USP3: variants seen among roughly 807,000 people sequenced by gnomAD.
USP3 encodes ubiquitin carboxyl-terminal hydrolase 3.
In USP3, 20 loss-of-function variants were observed where a neutral mutation model predicts 72.3. That is an observed-to-expected ratio of 0.28 (90% CI 0.19 to 0.40). The LOEUF (loss-of-function observed/expected upper bound fraction) is 0.40. USP3 is among the 10% of genes least tolerant of loss of function. The probability of loss-of-function intolerance (pLI) is 1.00; values close to 1 mark genes in which losing one functional copy is unlikely to be tolerated. For synonymous variants in USP3, 222 were observed against 225.3 expected (o/e 0.99, Z 0.13); for missense variants, 479 against 633.9 (o/e 0.76, Z 2.62).
chr15:63,522,346 C>G (rs755761334), intron 1 of USP3, among the ~76,000 whole-genome samples: 1 of 152,236 alleles, frequency 6.6e-6, no homozygotes, highest in Non-Finnish European at 1.5e-5. Context: ...ATGATCCCCT[C>G]AGCCTAGAGG....
At chr15:63,572,727 TTA>T (rs1299775352) in intron 9 of USP3, among the ~76,000 whole-genome samples, 8 of 152,320 alleles carry the variant, frequency 5.3e-5, no homozygotes, top group African/African-American at 1.9e-4. Context: ...AGAAACTACC[TTA>T]TATTGCTATT....
At chr15:63,555,923 TGGC>T (rs2066500140) in intron 4 of USP3, among the ~76,000 whole-genome samples, 2 of 152,228 alleles carry the variant, frequency 1.3e-5, no homozygotes, top group East Asian at 1.9e-4. Flanking sequence ...GGGAGAGAAT[TGGC>T]GGCCTTAAAA....
chr15:63,577,023 G>A (rs1284362976), intron 11 of USP3, among the ~76,000 whole-genome samples: 6 of 152,128 alleles, frequency 3.9e-5, no homozygotes, highest in Admixed American at 3.3e-4. Context: ...TAATTGTTAA[G>A]CTTAGTTTTC....
chr15:63,584,988 C>T (rs1386308115), intron 11 of USP3, among the ~76,000 whole-genome samples: 1 of 152,116 alleles, frequency 6.6e-6, no homozygotes, highest in African/African-American at 2.4e-5. Flanking sequence ...TTCCCCAGCA[C>T]CATCTTTTGA....
At chr15:63,547,888 G>GAGAGAGAGAGAGGGGCAT (rs1555446525) in intron 3 of USP3, among the ~76,000 whole-genome samples, 5 of 73,300 alleles carry the variant, frequency 6.8e-5, no homozygotes, top group African/African-American at 2.3e-4. Context: ...GAGAGAGAGA[G>GAGAGAGAGAGAGGGGCAT]AGAGAGAGGC....
At chr15:63,563,947 T>A (rs937400794) in intron 8 of USP3, among the ~76,000 whole-genome samples, 2 of 152,212 alleles carry the variant, frequency 1.3e-5, no homozygotes, top group Non-Finnish European at 2.9e-5. Flanking sequence ...TTAACCCTAG[T>A]CTTGGTTTTG....
At chr15:63,585,931 T>G (rs893951212) in intron 11 of USP3, among the ~76,000 whole-genome samples, 10 of 152,222 alleles carry the variant, frequency 6.6e-5, no homozygotes, top group African/African-American at 2.4e-4. Context: ...ACAAAATAAT[T>G]TACTGGTTTG....
chr15:63,590,843 T>C lies in USP3; in HGVS notation c.*17T>C. On this transcript the variant is annotated 3_prime_UTR_variant, in exon 15 of 15. Coordinates refer to ENST00000380324, the MANE Select transcript of USP3 (RefSeq NM_006537.4). ...AAACTTTAATACCTCCTCCAAATCATCATTCACCAACCATACCAGAGAAAC... is the reference window on the plus strand; with the variant it reads ...AAACTTTAATACCTCCTCCAAATCACCATTCACCAACCATACCAGAGAAAC... The C allele has an allele frequency of 2.5e-6, 4 of 1,600,010 alleles. No individual in the cohort carries two copies. Among genetic ancestry groups the C allele is most frequent in the Non-Finnish European group, 3.4e-6 (4 of 1,173,388 alleles).
intron 11 of USP3, chr15:63,586,760 T>A (rs2067073009): frequency 6.6e-6 from 1 of 152,214 alleles, no homozygotes; most frequent in African/African-American, 2.4e-5. Context: ...GTTGAGCAGG[T>A]TGGCAATGTA....
Position 63,570,069 on chromosome 15 carries a change from G to A in USP3, c.762-364G>A, listed in dbSNP as rs1301461649. On this transcript the variant is annotated intron_variant, in intron 8 of 14. Transcript: ENST00000380324. The surrounding 1 kb of genome is among the most constrained non-coding windows in gnomAD (Gnocchi z 4.4). ...AGAGGTTATGTGGGCAGGGAGAAGA[G>A]TCAGAGTCCACCAGGAAACAAAGGT... Among the ~76,000 whole-genome samples the A allele has an allele frequency of 6.6e-6, 1 of 152,146 alleles. No homozygotes were observed. Among genetic ancestry groups the A allele is most frequent in the East Asian group, 1.9e-4 (1 of 5,202 alleles).
intron 1 of USP3, among the ~76,000 whole-genome samples, chr15:63,506,980 T>C (rs1210938657): frequency 1.3e-5 from 2 of 152,234 alleles, no homozygotes; most frequent in African/African-American, 4.8e-5. Flanking sequence ...CTTGATCTTG[T>C]TCTTGCGTGC....
intron 3 of USP3, among the ~76,000 whole-genome samples, chr15:63,538,873 G>C (rs1305455223): frequency 6.6e-6 from 1 of 152,032 alleles, no homozygotes; most frequent in Non-Finnish European, 1.5e-5. Flanking sequence ...ACATCTTAAG[G>C]GTTATTCATT....
intron 3 of USP3, among the ~76,000 whole-genome samples, chr15:63,540,982 T>C (rs1248466666): frequency 6.6e-6 from 1 of 152,198 alleles, no homozygotes; most frequent in Non-Finnish European, 1.5e-5. Context: ...ATTATTGTGA[T>C]TGAGAAGAAA....
intron 7 of USP3, among the ~76,000 whole-genome samples, chr15:63,562,365 C>T (rs2066621692): frequency 6.6e-6 from 1 of 151,980 alleles, no homozygotes; most frequent in Non-Finnish European, 1.5e-5. Context: ...GAGGACCTCC[C>T]GCAGAAAATT....
intron 1 of USP3, among the ~76,000 whole-genome samples, chr15:63,515,651 T>C (rs2065841285): frequency 6.6e-6 from 1 of 152,226 alleles, no homozygotes; most frequent in Admixed American, 6.5e-5. Flanking sequence ...GCTATTCTAA[T>C]TTTTATGCTG....
chr15:63,589,614 C>G (rs2067146528), intron 14 of USP3, among the ~76,000 whole-genome samples: 1 of 152,168 alleles, frequency 6.6e-6, no homozygotes, highest in Non-Finnish European at 1.5e-5. Context: ...TGGCTTTTTT[C>G]TCCTTGGAGT....
At position 63,528,819 on chromosome 15, in the gene USP3, C is replaced by G. The variant is rs914017062; in HGVS notation, c.92-3828C>G. 6.6e-6 allele frequency among the ~76,000 whole-genome samples: 1 copy of G among 152,136 alleles called. No individual in the cohort carries two copies. Among genetic ancestry groups the G allele is most frequent in the Non-Finnish European group, 1.5e-5 (1 of 68,020 alleles). The stretch of plus-strand genomic sequence containing the variant: ...AGTATTCTTTTATTTGTACAATTAC[C>G]TGTTCTCTTCTTAACAATAATTGAG... On this transcript the variant is annotated intron_variant, in intron 1 of 14. Coordinates refer to ENST00000380324, the MANE Select transcript of USP3 (RefSeq NM_006537.4). The surrounding 1 kb of genome is among the most constrained non-coding windows in gnomAD (Gnocchi z 4.3).
Position 63,570,330 on chromosome 15 carries a change from G to A in USP3, c.762-103G>A, listed in dbSNP as rs2066758596. ...TGAGGAAGCCTGGCTGTGCTTGTGA[G>A]CACGGGGCTGCCGTCCTTTTCCACG... On this transcript the variant is annotated intron_variant, in intron 8 of 14. Coordinates refer to ENST00000380324, the MANE Select transcript of USP3 (RefSeq NM_006537.4). This position sits in a 1 kb window ranked among gnomAD's most constrained non-coding sequence, Gnocchi z 4.4. 1.4e-6 allele frequency: 2 copies of A among 1,480,244 alleles called. No homozygotes were observed. The highest frequency in any genetic ancestry group is 2.0e-5 in the Admixed American group (1 of 50,282). The allele number at this position is 1,480,244 out of a possible 1,614,324, so 91.7% of individuals were successfully genotyped here.
chr15:63,513,657 G>A (rs765727527), intron 1 of USP3, among the ~76,000 whole-genome samples: 2 of 152,180 alleles, frequency 1.3e-5, no homozygotes, highest in Non-Finnish European at 2.9e-5. Flanking sequence ...TTACAGATAT[G>A]AGCCACCAGT....
Sources: gnomAD v4.1 joint callset for allele counts (sites outside exome capture counted in the v4.1 genomes callset) on GRCh38, gnomAD v4.1.1 for gene constraint, Gnocchi (gnomAD v3.1) non-coding constraint, MANE v1.5 for transcripts, NCBI Gene and HGNC (gene_info 2026-07-23, HGNC 2026-07-21) for gene names.